Variants in P2RX5 observed in about 807,000 individuals in gnomAD.
The protein encoded by P2RX5 is purinergic receptor P2X 5.
Under a neutral mutation model 54.1 loss-of-function variants are expected in P2RX5, and 46 were observed. That is an observed-to-expected ratio of 0.85 (90% CI 0.67 to 1.09). The LOEUF (loss-of-function observed/expected upper bound fraction) is 1.09, where lower values mean the gene tolerates loss of function less well. Ranked by LOEUF, P2RX5 falls within the 50% of genes least tolerant of loss-of-function variation. P2RX5 has a pLI of 0.00. For missense variants in P2RX5, 566 were observed against 549.8 expected (o/e 1.03, Z -0.29); for synonymous variants, 226 against 226.4 (o/e 1.00, Z 0.02).
intron 9 of P2RX5, chr17:3,682,992 C>T (rs2050328123): frequency 6.6e-6 from 1 of 152,252 alleles, no homozygotes; most frequent in Admixed American, 6.5e-5. Context: ...CACCACTGCA[C>T]TCCAGCCTGG....
At chr17:3,697,245 T>A (rs77647521), upstream of P2RX5, among the ~76,000 whole-genome samples, 9 of 152,220 alleles carry the variant, frequency 5.9e-5, no homozygotes, top group East Asian at 1.7e-3. Flanking sequence ...TTTGGAATGG[T>A]TCCCAACGCA....
chr17:3,697,351 G>A (rs2050779887), upstream of P2RX5, among the ~76,000 whole-genome samples: 2 of 152,240 alleles, frequency 1.3e-5, no homozygotes, highest in East Asian at 1.9e-4. Flanking sequence ...GGCCTCCGGG[G>A]GGGCAGGTTT....
the P2RX5 span, among the ~76,000 whole-genome samples, chr17:3,709,471 C>T: frequency 1.1e-3 from 166 of 152,290 alleles, no homozygotes; most frequent in African/African-American, 3.8e-3. Context: ...ATTAGGACGA[C>T]GATGCTTCCT....
At chr17:3,717,806 G>C in the P2RX5 span, 1 of 152,126 alleles carries the variant, frequency 6.6e-6, no homozygotes, top group African/African-American at 2.4e-5. Context: ...GAAGTCCTAG[G>C]CTTTGAGAAT....
intron 11 of P2RX5, among the ~76,000 whole-genome samples, chr17:3,674,190 A>G (rs1160571033): frequency 2.0e-5 from 3 of 152,176 alleles, no homozygotes; most frequent in Non-Finnish European, 4.4e-5. Flanking sequence ...GAGCGCCTGT[A>G]GTCCCAGCTA....
Position 3,679,754 on chromosome 17 carries a change from C to T in P2RX5, c.1095G>A (p.Glu365=), listed in dbSNP as rs376166064. Residue 365 remains glutamate, a synonymous_variant, in exon 11 of 12, where the codon GAG becomes GAA. Coordinates refer to ENST00000225328, the MANE Select transcript of P2RX5 (RefSeq NM_002561.4). ...ATAGCCCCAGCCCCGATGCCTCGTC[C>T]TCGGCCTCCTGGGAACTGTCTTCTA... ...RGLEDSSQEA[E]DEASGLGLSE... 6.2e-7 allele frequency: 1 copy of T among 1,611,730 alleles called. No homozygotes were observed. The highest frequency in any genetic ancestry group is 1.3e-5 in the African/African-American group (1 of 74,996).
At chr17:3,704,979 C>A in the P2RX5 span, among the ~76,000 whole-genome samples, 1 of 152,156 alleles carries the variant, frequency 6.6e-6, no homozygotes, top group Admixed American at 6.5e-5. Flanking sequence ...GTACTACAGC[C>A]TGGACAACAA....
the P2RX5 span, among the ~76,000 whole-genome samples, chr17:3,712,260 TAGCAC>T: frequency 3.3e-5 from 5 of 152,176 alleles, no homozygotes. Context: ...AAGTGACCGA[TAGCAC>T]AGACGGATTT....
chr17:3,714,942 A>C, the P2RX5 span: 44 of 1,585,812 alleles, frequency 2.8e-5, 2 homozygotes, highest in South Asian at 4.2e-4. Flanking sequence ...AAAAAGCCAC[A>C]CTGAAACAAA....
chr17:3,705,907 C>A, the P2RX5 span, among the ~76,000 whole-genome samples: 2 of 151,630 alleles, frequency 1.3e-5, no homozygotes, highest in African/African-American at 4.8e-5. Flanking sequence ...GGTGATCCTC[C>A]CACCTCAGCC....
chr17:3,715,913 T>G, the P2RX5 span, among the ~76,000 whole-genome samples: 1 of 151,214 alleles, frequency 6.6e-6, no homozygotes, highest in African/African-American at 2.4e-5. Context: ...TCCCAGAACT[T>G]TGGGAGGCCG....
At chr17:3,675,041 A>G (rs2050069970) in intron 11 of P2RX5, among the ~76,000 whole-genome samples, 1 of 152,150 alleles carries the variant, frequency 6.6e-6, no homozygotes, top group Admixed American at 6.5e-5. Context: ...CTGTAGGAAG[A>G]CATTTTCCTT....
intron 1 of P2RX5, among the ~76,000 whole-genome samples, chr17:3,695,293 A>G (rs984135490): frequency 6.6e-6 from 1 of 152,134 alleles, no homozygotes; most frequent in Non-Finnish European, 1.5e-5. Flanking sequence ...GGGATGGCCG[A>G]GCTGGGTGCA....
At chr17:3,675,534 G>A (rs571792245) in intron 11 of P2RX5, 3 of 984,936 alleles carry the variant, frequency 3.0e-6, no homozygotes, top group African/African-American at 1.7e-5. Context: ...ACACACCTAA[G>A]TGGATCACCT....
chr17:3,695,233 T>C (rs1034962984), intron 1 of P2RX5, among the ~76,000 whole-genome samples: 1 of 152,122 alleles, frequency 6.6e-6, no homozygotes, highest in African/African-American at 2.4e-5. Flanking sequence ...AAGTTGCCTC[T>C]TTGGCTTTGT....
chr17:3,675,257 C>T (rs2050076761), intron 11 of P2RX5: 3 of 614,028 alleles, frequency 4.9e-6, no homozygotes, highest in Non-Finnish European at 6.1e-6. Context: ...CCAGGCTGTT[C>T]TCAAACTCCT....
intron 11 of P2RX5, 50 bp from the exon 12 acceptor site, chr17:3,673,927 T>C (rs2037137610): frequency 6.5e-7 from 1 of 1,533,084 alleles, no homozygotes; most frequent in African/African-American, 1.4e-5. Flanking sequence ...CACTCTCATC[T>C]TCCCAGTGAG....
At position 3,680,132 on chromosome 17, in the gene P2RX5, CATCCTCCACCCT is replaced by C. The variant is rs2050209099; in HGVS notation, c.1065-360_1065-349del. 6.6e-5 allele frequency among the ~76,000 whole-genome samples: 8 copies of C among 120,894 alleles called. 1 individual carries two copies. Among genetic ancestry groups the C allele is most frequent in the Admixed American group, 3.4e-4 (4 of 11,868 alleles). 79.3% of individuals were successfully genotyped at this position (120,894 alleles called of 152,430 possible). A position where few individuals can be genotyped will look rare whatever the true frequency, so the allele number is the denominator to read the frequency against. On this transcript the variant is annotated intron_variant, in intron 10 of 11. Transcript: ENST00000225328. ...CCTCCACCCTGCATCCTCCACCCTGCATCCTCCACCCTGAGTCCTCCATCCGGTGTCCTCCAC... is the reference window on the plus strand; with the variant it reads ...CCTCCACCCTGCATCCTCCACCCTGCGAGTCCTCCATCCGGTGTCCTCCAC...
At chr17:3,713,350 A>AC in the P2RX5 span, among the ~76,000 whole-genome samples, 2,295 of 152,206 alleles carry the variant, frequency 0.015, 37 homozygotes, top group African/African-American at 0.034. Flanking sequence ...ACACAGTGAG[A>AC]CCCCCCCAAA....
Sources: allele counts gnomAD v4.1 joint callset (sites outside exome capture counted in the v4.1 genomes callset), GRCh38; gene constraint gnomAD v4.1.1; transcripts MANE v1.5; gene names NCBI Gene and HGNC (gene_info 2026-07-23, HGNC 2026-07-21).